The following BORCS8 variants were observed in gnomAD, a reference collection of about 807,000 sequenced individuals.
BORCS8 encodes BLOC-1 related complex subunit 8.
In BORCS8, 13 loss-of-function variants were observed where a neutral mutation model predicts 18.7. The ratio of observed to expected loss-of-function variants is 0.70; its 90% CI spans 0.45 to 1.11. The LOEUF is 1.11. Among genes scored for constraint, BORCS8 ranks in the 50% least tolerant of loss-of-function variants. The probability of loss-of-function intolerance (pLI) is 0.00; values close to 1 mark genes in which losing one functional copy is unlikely to be tolerated. For synonymous variants in BORCS8, 68 were observed against 64.8 expected (o/e 1.05, Z -0.24); for missense variants, 165 against 165.7 (o/e 1.00, Z 0.02).
At chr19:19,187,447 G>A (rs2060420897) in intron 1 of BORCS8, among the ~76,000 whole-genome samples, 1 of 147,720 alleles carries the variant, frequency 6.8e-6, no homozygotes, top group African/African-American at 2.5e-5. Flanking sequence ...TTGCACTCCA[G>A]CCTGGGCAAC....
In BORCS8 at chr19:19,186,973, G is replaced by C. The variant is rs753010613; in HGVS notation, c.70C>G (p.Leu24Val). ...TDKFTESVYV[L>V]ANEPSVALYR... Reference sequence around the variant, plus strand: ...AGGGCCACGGATGGCTCGTTGGCCAGGACGTAGACGCTCTCAGTGAACTTG... The same window carrying C: ...AGGGCCACGGATGGCTCGTTGGCCACGACGTAGACGCTCTCAGTGAACTTG... The change falls in exon 2 of 6, where the codon CTG becomes GTG. Residue 24 changes from leucine (L) to valine (V), a missense_variant. Physicochemically the swap from Leu to Val is conservative, Grantham distance 32. Coordinates refer to ENST00000462790, the MANE Select transcript of BORCS8 (RefSeq NM_001145784.2). The C allele has an allele frequency of 6.4e-7, 1 of 1,551,426 alleles. No homozygotes were observed. Among genetic ancestry groups the C allele is most frequent in the South Asian group, 1.2e-5 (1 of 84,042 alleles).
chr19:19,185,223 C>T (rs568222056), intron 3 of BORCS8, among the ~76,000 whole-genome samples: 2 of 152,246 alleles, frequency 1.3e-5, no homozygotes, highest in Non-Finnish European at 2.9e-5. Context: ...GAGCATCATT[C>T]AGCCGCCAAT....
At chr19:19,187,136 GC>G in intron 1 of BORCS8, 131 bp from the exon 2 acceptor site, 1 of 639,808 alleles carries the variant, frequency 1.6e-6, no homozygotes, top group Non-Finnish European at 2.7e-6. Flanking sequence ...GTCACTCCTG[GC>G]CCATGACAGG....
chr19:19,191,885 A>G (rs2060485482), intron 1 of BORCS8, among the ~76,000 whole-genome samples, 196 bp downstream of exon 1: 1 of 152,154 alleles, frequency 6.6e-6, no homozygotes, highest in African/African-American at 2.4e-5. Flanking sequence ...GAATTCTTGA[A>G]ACAATCCTGG....
chr19:19,185,072 G>A (rs898167847), intron 3 of BORCS8, among the ~76,000 whole-genome samples: 1 of 152,224 alleles, frequency 6.6e-6, no homozygotes, highest in African/African-American at 2.4e-5. Flanking sequence ...AGCTAAGGAA[G>A]ATACTGTCTG....
At chr19:19,188,868 T>C (rs986792935) in intron 1 of BORCS8, among the ~76,000 whole-genome samples, 1 of 151,966 alleles carries the variant, frequency 6.6e-6, no homozygotes, top group African/African-American at 2.4e-5. Context: ...AGAGTCTTGC[T>C]CTGTTGTCCA....
intron 3 of BORCS8, 133 bp downstream of exon 3, chr19:19,185,899 TAC>T: frequency 1.2e-6 from 1 of 858,354 alleles, no homozygotes; most frequent in Non-Finnish European, 1.8e-6. Context: ...TGAATCGTGG[TAC>T]AGACCCCATA....
intron 3 of BORCS8, among the ~76,000 whole-genome samples, chr19:19,185,267 G>C (rs1477376935): frequency 6.6e-6 from 1 of 152,220 alleles, no homozygotes; most frequent in African/African-American, 2.4e-5. Flanking sequence ...GGTGCAAACA[G>C]CATGTCTGTG....
At chr19:19,190,423 T>C (rs72997195) in intron 1 of BORCS8, among the ~76,000 whole-genome samples, 6,897 of 152,314 alleles carry the variant, frequency 0.045, 222 homozygotes, top group Non-Finnish European at 0.071. Flanking sequence ...CCACTGTGCC[T>C]TGAGTGGCAG....
rs1455771905 is a variant in BORCS8 at position 19,186,052 on chromosome 19, G to A, written c.197C>T (p.Thr66Ile). 32 of 1,551,136 alleles carry A rather than the reference G, an allele frequency of 2.1e-5. No homozygotes were observed. Among genetic ancestry groups the A allele is most frequent in the Non-Finnish European group, 2.6e-5 (30 of 1,147,000 alleles). The stretch of plus-strand genomic sequence containing the variant: ...CGCTCACCTGCAGGCGTACTCCACA[G>A]TGTAGATGGCTCCCTGGCTCTGCTC... ...WEEQSQGAIYTVEYACSAVKN... is the reference protein window; with the variant it reads ...WEEQSQGAIYIVEYACSAVKN... Residue 66 changes from threonine (T) to isoleucine (I), a missense_variant, in exon 3 of 6, where the codon ACT becomes ATT. Coordinates refer to ENST00000462790, the MANE Select transcript of BORCS8 (RefSeq NM_001145784.2).
intron 5 of BORCS8, chr19:19,180,443 G>A (rs1327812402): frequency 3.5e-6 from 2 of 569,742 alleles, no homozygotes; most frequent in Non-Finnish European, 6.3e-6. Context: ...CCTATGGCCT[G>A]GAAAAGAGAG....
At chr19:19,177,685 GAAGGAAGGAAGAGAAAAGAAAAGAAAAGA>G (rs1200639638) in intron 5 of BORCS8, 6,047 of 55,612 alleles carry the variant, frequency 0.11, 317 homozygotes, top group African/African-American at 0.18. Flanking sequence ...AGGAAGGAAG[GAAGGAAGGAAGAGAAAAGAAAAGAAAAGA>G]AAAGAAAAGA....
chr19:19,184,242 G>A (rs1444128403), intron 3 of BORCS8, among the ~76,000 whole-genome samples: 1 of 151,380 alleles, frequency 6.6e-6, no homozygotes, highest in East Asian at 1.9e-4. Flanking sequence ...TCCTGGATTA[G>A]ATGGCACAGC....
chr19:19,177,694 AAGAGAAAAG>A (rs2060309898), intron 5 of BORCS8: 2 of 46,492 alleles, frequency 4.3e-5, no homozygotes, highest in African/African-American at 2.4e-4. Context: ...GGAAGGAAGG[AAGAGAAAAG>A]AAAAGAAAAG....
chr19:19,177,679 AG>A (rs1568561691), intron 5 of BORCS8: 1,416 of 91,464 alleles, frequency 0.015, 61 homozygotes, highest in South Asian at 0.026. Flanking sequence ...GAAGGAAGGA[AG>A]GAAGGAAGGA....
chr19:19,182,371 C>G lies in BORCS8; in HGVS notation c.326+202G>C. On this transcript the variant is annotated intron_variant, in intron 4 of 5. Transcript: ENST00000462790. This position sits in a 1 kb window ranked among gnomAD's most constrained non-coding sequence, Gnocchi z 4.1. ...CCCCAGTGCCCAGCCCAGGGCCAGG[C>G]ACACAGCAGAGCGCAGGACCTCGGT... The G allele has an allele frequency of 2.2e-6, 3 of 1,346,042 alleles. No homozygotes were observed. Among genetic ancestry groups the G allele is most frequent in the Non-Finnish European group, 2.9e-6 (3 of 1,038,180 alleles). The allele number at this position is 1,346,042 out of a possible 1,614,324, so 83.4% of individuals were successfully genotyped here.
intron 5 of BORCS8, chr19:19,177,692 GGA>G (rs2060309120): frequency 2.0e-5 from 1 of 48,894 alleles, no homozygotes. Context: ...AAGGAAGGAA[GGA>G]AGAGAAAAGA....
At chr19:19,187,142 G>T in intron 1 of BORCS8, 137 bp from the exon 2 acceptor site, 2 of 628,618 alleles carry the variant, frequency 3.2e-6, no homozygotes, top group Non-Finnish European at 2.8e-6. Flanking sequence ...CCTGGCCCAT[G>T]ACAGGCTGGA....
Position 19,186,047 on chromosome 19 carries a change from C to A in BORCS8, c.202G>T (p.Glu68Ter). 1 of 1,551,150 alleles carries A rather than the reference C, an allele frequency of 6.4e-7. No homozygotes were observed. Among genetic ancestry groups the A allele is most frequent in the Middle Eastern group, 1.8e-4 (1 of 5,618 alleles). Residue 68 changes from glutamate (E) to a stop codon, truncating the protein, a stop_gained, in exon 3 of 6, where the codon GAG becomes TAG. Coordinates refer to ENST00000462790, the MANE Select transcript of BORCS8 (RefSeq NM_001145784.2). LOFTEE classifies it high-confidence loss of function. The stretch of plus-strand genomic sequence containing the variant: ...TGTGGCGCTCACCTGCAGGCGTACT[C>A]CACAGTGTAGATGGCTCCCTGGCTC... ...EQSQGAIYTVEYACSAVKNLV... is the reference protein window; with the variant it reads ...EQSQGAIYTV
Sources: gnomAD v4.1 joint callset for allele counts (sites outside exome capture counted in the v4.1 genomes callset) on GRCh38, gnomAD v4.1.1 for gene constraint, Gnocchi (gnomAD v3.1) non-coding constraint, MANE v1.5 for transcripts, NCBI Gene and HGNC (gene_info 2026-07-23, HGNC 2026-07-21) for gene names.